The following PTRH1 variants were observed in gnomAD, a reference collection of about 807,000 sequenced individuals.
The protein encoded by PTRH1 is peptidyl-tRNA hydrolase.
PTRH1 carries 13 observed loss-of-function variants against 15.7 expected under a neutral mutation model. The ratio of observed to expected loss-of-function variants is 0.83; its 90% CI spans 0.54 to 1.31. The LOEUF (loss-of-function observed/expected upper bound fraction) is 1.31. Ranked by LOEUF, PTRH1 falls within the 40% of genes most tolerant of loss-of-function variation. The pLI is 0.00. For missense variants in PTRH1, 319 were observed against 296.2 expected (o/e 1.08, Z -0.56); for synonymous variants, 139 against 136.7 (o/e 1.02, Z -0.12).
chr9:127,711,487 C>T (rs1432295218), downstream of PTRH1: 2 of 1,613,216 alleles, frequency 1.2e-6, no homozygotes, highest in Non-Finnish European at 1.7e-6. Context: ...ACAAAAGAGG[C>T]CACCAGAAGG....
rs770941801 is a variant in PTRH1 at position 127,714,090 on chromosome 9, G to A, written c.*10C>T. The A allele has an allele frequency of 3.0e-5, 48 of 1,610,558 alleles. No homozygotes were observed. Reference sequence around the variant, plus strand: ...CACTACAGTCAGGCAGGCAGCCATGGCCACTAGTGTCACGGCCCCAGTGAG... The same window carrying A: ...CACTACAGTCAGGCAGGCAGCCATGACCACTAGTGTCACGGCCCCAGTGAG... On this transcript the variant is annotated 3_prime_UTR_variant, in exon 5 of 5. Transcript: ENST00000543175.
At chr9:127,696,262 G>A (rs918876588) in intron 1 of PTRH1, among the ~76,000 whole-genome samples, 2 of 152,222 alleles carry the variant, frequency 1.3e-5, no homozygotes, top group Admixed American at 1.3e-4. Flanking sequence ...CCTGAGCCCA[G>A]GAGTTCGAGG....
intron 1 of PTRH1, among the ~76,000 whole-genome samples, chr9:127,701,841 T>G (rs1842605630): frequency 6.6e-6 from 1 of 150,530 alleles, no homozygotes; most frequent in Admixed American, 6.6e-5. Context: ...TTGAACCTAG[T>G]AGGCAGAGGT....
chr9:127,714,965 C>A lies in PTRH1; in HGVS notation c.316+10G>T. ...GGCCCGCCCGCCCACCCCTGGCGCT[C>A]TCAACTCACCAGCCCGGGCCACGCT... On this transcript the variant is annotated intron_variant, in intron 2 of 4. Transcript: ENST00000543175. The A allele has an allele frequency of 7.1e-7, 1 of 1,405,990 alleles. No homozygotes were observed. The highest frequency in any genetic ancestry group is 9.3e-7 in the Non-Finnish European group (1 of 1,072,026). The allele number at this position is 1,405,990 out of a possible 1,614,324, so 87.1% of individuals were successfully genotyped here.
downstream of PTRH1, chr9:127,711,720 TC>T: frequency 7.3e-7 from 1 of 1,363,154 alleles, no homozygotes; most frequent in Non-Finnish European, 1.0e-6. Flanking sequence ...CCTGGAGAGC[TC>T]ACTGGCCGCT....
intron 1 of PTRH1, among the ~76,000 whole-genome samples, chr9:127,696,211 C>T (rs960196846): frequency 2.0e-5 from 3 of 152,176 alleles, no homozygotes; most frequent in African/African-American, 7.2e-5. Context: ...TGGCATGTGC[C>T]TGTAGTCCCA....
chr9:127,707,006 G>T (rs1239926647), intron 1 of PTRH1: 1 of 1,612,048 alleles, frequency 6.2e-7, no homozygotes. Flanking sequence ...TCTTCCTGGG[G>T]CCTGGAGCCC....
Position 127,702,968 on chromosome 9 carries a change from G to A in PTRH1, c.206-7827C>T, listed in dbSNP as rs916752335. The stretch of plus-strand genomic sequence containing the variant: ...GCTCCTGACCTCAGGTGATCCACCC[G>A]CCTCGGCCTCCCAAAGTGCTGGGAT... On this transcript the variant is annotated intron_variant, in intron 1 of 2. Coordinates refer to the PTRH1 transcript ENST00000335223. Among the ~76,000 whole-genome samples the A allele has an allele frequency of 2.0e-5, 3 of 150,178 alleles. No individual in the cohort carries two copies. The South Asian group carries it at 6.4e-4, about 32-fold the overall frequency.
intron 1 of PTRH1, among the ~76,000 whole-genome samples, chr9:127,700,428 G>A (rs897929172): frequency 5.9e-5 from 9 of 152,132 alleles, no homozygotes; most frequent in African/African-American, 2.2e-4. Context: ...AACTAAAAAT[G>A]AAATCAGCCC....
chr9:127,713,003 C>T (rs751586501), downstream of PTRH1: 18 of 1,609,636 alleles, frequency 1.1e-5, no homozygotes, highest in South Asian at 2.2e-5. Context: ...CTGTGACCCT[C>T]GGCCCCCTCC....
intron 1 of PTRH1, among the ~76,000 whole-genome samples, chr9:127,702,685 A>G (rs1172833704): frequency 1.3e-5 from 2 of 151,844 alleles, no homozygotes; most frequent in Non-Finnish European, 2.9e-5. Context: ...ACGTTGTGAC[A>G]TGCTTTGCCA....
chr9:127,715,271 C>G lies in PTRH1; in HGVS notation c.97-77G>C, dbSNP rs1232081432. ...TCTCACAGCGTCCCGTGGGCCCCAA[C>G]GCAGAGGAGCGGAAACGCAGAGCAA... On this transcript the variant is annotated intron_variant, in intron 1 of 4. Coordinates refer to ENST00000543175, the MANE Select transcript of PTRH1 (RefSeq NM_001002913.3). This position sits in a 1 kb window ranked among gnomAD's most constrained non-coding sequence, Gnocchi z 5.8. 21 of 1,456,026 alleles carry G rather than the reference C, an allele frequency of 1.4e-5. No homozygotes were observed. The highest frequency in any genetic ancestry group is 2.0e-5 in the Non-Finnish European group (21 of 1,073,996). 90.2% of individuals were successfully genotyped at this position (1,456,026 alleles called of 1,614,324 possible).
At chr9:127,704,455 G>A (rs955764015) in intron 1 of PTRH1, among the ~76,000 whole-genome samples, 3 of 147,490 alleles carry the variant, frequency 2.0e-5, no homozygotes, top group Admixed American at 6.8e-5. Flanking sequence ...GTTGCGAGCC[G>A]AGATGGTGCC....
chr9:127,695,077 A>ATGATGATGATGATGATGATGG (rs1564361218), exon 2 of PTRH1: 4 of 702,258 alleles, frequency 5.7e-6, no homozygotes, highest in Admixed American at 4.0e-5. Context: ...GATGATGATG[A>ATGATGATGATGATGATGATGG]TGATGATGAT....
At chr9:127,712,724 G>C, downstream of PTRH1, 3 of 1,614,190 alleles carry the variant, frequency 1.9e-6, no homozygotes, top group Non-Finnish European at 2.5e-6. Context: ...CCGCGATGAA[G>C]AGGACAGTGA....
intron 3 of PTRH1, 35 bp downstream of exon 3, chr9:127,714,568 G>A: frequency 1.2e-6 from 2 of 1,603,742 alleles, no homozygotes; most frequent in Non-Finnish European, 1.7e-6. Flanking sequence ...GAGGCCTGAA[G>A]CCCTATCCCA....
At chr9:127,712,278 G>A, downstream of PTRH1, 1 of 1,614,048 alleles carries the variant, frequency 6.2e-7, no homozygotes, top group East Asian at 2.2e-5. Context: ...ACTGGCTAAT[G>A]AGCAGAAGGT....
At chr9:127,707,143 AAGG>A (rs1441548507) in intron 1 of PTRH1, 4 of 1,613,546 alleles carry the variant, frequency 2.5e-6, no homozygotes, top group South Asian at 1.1e-5. Flanking sequence ...CAAGGAGATG[AAGG>A]AGTTCTACCA....
At chr9:127,712,355 C>A, downstream of PTRH1, 1 of 1,613,540 alleles carries the variant, frequency 6.2e-7, no homozygotes, top group Non-Finnish European at 8.5e-7. Flanking sequence ...TGCAGGTGAG[C>A]AGAAGGGAGA....
Sources: gnomAD v4.1 joint callset for allele counts (sites outside exome capture counted in the v4.1 genomes callset) on GRCh38, gnomAD v4.1.1 for gene constraint, Gnocchi (gnomAD v3.1) non-coding constraint, MANE v1.5 for transcripts, NCBI Gene and HGNC (gene_info 2026-07-23, HGNC 2026-07-21) for gene names.